Variants in CHODL observed in about 807,000 individuals in gnomAD.
CHODL encodes transmembrane protein MT75.
A neutral mutation model predicts 34.5 loss-of-function variants in CHODL; 29 were observed. The observed-to-expected ratio is 0.84, with a 90% CI of 0.63 to 1.15. The LOEUF (loss-of-function observed/expected upper bound fraction) is 1.15, where lower values mean the gene tolerates loss of function less well. Among genes scored for constraint, CHODL ranks in the 50% most tolerant of loss-of-function variants. The probability of loss-of-function intolerance (pLI) is 0.00; values close to 1 mark genes in which losing one functional copy is unlikely to be tolerated. For synonymous variants in CHODL, 125 were observed against 116.1 expected (o/e 1.08, Z -0.49); for missense variants, 332 against 332.5 (o/e 1.00, Z 0.01).
chr21:18,027,209 G>C (rs1201183288), intron 1 of CHODL, among the ~76,000 whole-genome samples: 3 of 152,106 alleles, frequency 2.0e-5, no homozygotes, highest in Admixed American at 2.0e-4. Context: ...AGGAATTTGA[G>C]GCTGCAGTGA....
chr21:18,163,984 AC>A (rs1290352218), intron 2 of CHODL, among the ~76,000 whole-genome samples: 1 of 152,206 alleles, frequency 6.6e-6, no homozygotes, highest in Non-Finnish European at 1.5e-5. Flanking sequence ...TTAAAGGCTT[AC>A]AAAAGGAGTT....
intron 2 of CHODL, among the ~76,000 whole-genome samples, chr21:18,080,454 A>T (rs2064928827): frequency 6.6e-6 from 1 of 152,148 alleles, no homozygotes; most frequent in Admixed American, 6.6e-5. Context: ...AAGGATATTG[A>T]TAGTTTCAAG....
intron 2 of CHODL, among the ~76,000 whole-genome samples, chr21:18,170,344 T>C (rs1308758288): frequency 6.6e-6 from 1 of 152,114 alleles, no homozygotes; most frequent in African/African-American, 2.4e-5. Context: ...TATAGTTAGA[T>C]GTCACTTTTT....
intron 1 of CHODL, among the ~76,000 whole-genome samples, chr21:18,010,609 G>A (rs554324696): frequency 6.6e-6 from 1 of 152,168 alleles, no homozygotes; most frequent in South Asian, 2.1e-4. Flanking sequence ...TGGTTTGCTT[G>A]TGCTGTTCTT....
rs1257557060 is a variant in CHODL, at chr21:18,045,829, A to G, written c.-45+17858A>G. On this transcript the variant is annotated intron_variant, in intron 2 of 6. Coordinates refer to the CHODL transcript ENST00000400127. ...TTTTTGCCTTTCCCTCCCTTCTGCCATGTGAGGACACAGCATTTGTCTCCT... is the reference window on the plus strand; with the variant it reads ...TTTTTGCCTTTCCCTCCCTTCTGCCGTGTGAGGACACAGCATTTGTCTCCT... Among the ~76,000 whole-genome samples, 4 of 151,912 alleles carry G rather than the reference A, an allele frequency of 2.6e-5. No individual in the cohort carries two copies. The East Asian group carries it at 7.8e-4, about 30-fold the overall frequency.
intron 1 of CHODL, among the ~76,000 whole-genome samples, chr21:17,939,579 T>C (rs755577801): frequency 6.6e-6 from 1 of 152,206 alleles, no homozygotes; most frequent in Non-Finnish European, 1.5e-5. Flanking sequence ...TACAAATCCT[T>C]ATTCATAAAA....
Position 18,175,101 on chromosome 21 carries a change from T to G in CHODL, c.-44-81408T>G, listed in dbSNP as rs143339159. On this transcript the variant is annotated intron_variant, in intron 2 of 6. Transcript: ENST00000400127. ...AGACTAATGTGAATATTGTATGAAC[T>G]GGTTATTATCTTCTGTTAAAACATT... Among the ~76,000 whole-genome samples, 3 of 152,360 alleles carry G rather than the reference T, an allele frequency of 2.0e-5. No homozygotes were observed. The East Asian group carries it at 5.8e-4, about 29-fold the overall frequency.
At chr21:18,039,339 TA>T (rs2064348035) in intron 2 of CHODL, among the ~76,000 whole-genome samples, 1 of 151,738 alleles carries the variant, frequency 6.6e-6, no homozygotes, top group African/African-American at 2.4e-5. Flanking sequence ...CTTTAGTAGT[TA>T]GGGGTAGGGA....
intron 1 of CHODL, among the ~76,000 whole-genome samples, chr21:17,932,855 G>A (rs1002578298): frequency 2.0e-5 from 3 of 152,068 alleles, no homozygotes; most frequent in Admixed American, 6.6e-5. Context: ...TTCAGCATAC[G>A]GAGGATCCCG....
rs1290652725 is a variant in CHODL at position 17,956,049 on chromosome 21, G to A, written c.-145+38649G>A. Among the ~76,000 whole-genome samples the A allele has an allele frequency of 2.2e-5, 3 of 136,126 alleles. 1 individual carries two copies. The highest frequency in any genetic ancestry group is 5.0e-5 in the Non-Finnish European group (3 of 59,988). 89.3% of individuals were successfully genotyped at this position (136,126 alleles called of 152,430 possible). ...ATGGGGATTGCAGGCTAGGAGTATC[G>A]AGTCAAAAGAGAAGCATCTCCATCT... is the stretch of plus-strand genomic sequence containing the variant. On this transcript the variant is annotated intron_variant, in intron 1 of 6. Transcript: ENST00000400127.
At chr21:17,942,129 G>T (rs984209288) in intron 1 of CHODL, among the ~76,000 whole-genome samples, 1 of 152,124 alleles carries the variant, frequency 6.6e-6, no homozygotes, top group Non-Finnish European at 1.5e-5. Flanking sequence ...TAGTAAAAAA[G>T]TGTAAAAAAC....
intron 1 of CHODL, among the ~76,000 whole-genome samples, chr21:18,023,696 C>G (rs2064148472): frequency 6.6e-6 from 1 of 152,124 alleles, no homozygotes; most frequent in African/African-American, 2.4e-5. Context: ...GTAGGAAAGT[C>G]ATAGGCAGGT....
intron 2 of CHODL, among the ~76,000 whole-genome samples, chr21:18,220,499 A>G (rs2073872155): frequency 6.6e-6 from 1 of 152,056 alleles, no homozygotes; most frequent in Admixed American, 6.6e-5. Context: ...CTGATCTTCC[A>G]ATGATGTTTA....
intron 2 of CHODL, among the ~76,000 whole-genome samples, chr21:18,184,879 G>A (rs950481510): frequency 8.5e-5 from 13 of 152,068 alleles, no homozygotes; most frequent in African/African-American, 2.9e-4. Context: ...CTAGTTCTTC[G>A]TTATTTATGG....
chr21:18,246,713 A>G lies in CHODL; in HGVS notation c.79+1411A>G, dbSNP rs534552595. ...TTTGAACATAAGATGTTTTTTACTCATTGACCTAAATAATATCCTTTAGAT... is the reference window on the plus strand; with the variant it reads ...TTTGAACATAAGATGTTTTTTACTCGTTGACCTAAATAATATCCTTTAGAT... On this transcript the variant is annotated intron_variant, in intron 1 of 5. Transcript: ENST00000299295. Among the ~76,000 whole-genome samples, 257 of 152,322 alleles carry G rather than the reference A, an allele frequency of 1.7e-3. 5 individuals are homozygous for G. The highest frequency in any genetic ancestry group is 0.014 in the Middle Eastern group (4 of 294).
intron 2 of CHODL, among the ~76,000 whole-genome samples, chr21:18,138,241 A>G (rs1292047171): frequency 6.6e-6 from 1 of 151,354 alleles, no homozygotes; most frequent in Non-Finnish European, 1.5e-5. Flanking sequence ...ATTTCATATC[A>G]TTATATATTT....
At chr21:18,234,534 T>C (rs1296238529) in intron 2 of CHODL, among the ~76,000 whole-genome samples, 1 of 152,078 alleles carries the variant, frequency 6.6e-6, no homozygotes, top group East Asian at 1.9e-4. Flanking sequence ...ATGAAAGAAA[T>C]GGTTCTTTGT....
chr21:17,995,531 T>TGTGGTTA (rs1430302580), intron 1 of CHODL, among the ~76,000 whole-genome samples: 1 of 152,210 alleles, frequency 6.6e-6, no homozygotes, highest in Non-Finnish European at 1.5e-5. Context: ...CTATTCAGCA[T>TGTGGTTA]GTGGTTATCT....
At chr21:18,154,937 G>C (rs899269919) in intron 2 of CHODL, among the ~76,000 whole-genome samples, 3 of 152,164 alleles carry the variant, frequency 2.0e-5, no homozygotes, top group Non-Finnish European at 4.4e-5. Context: ...GAGAGAAGCA[G>C]ATGGAATAAT....
Sources: allele counts gnomAD v4.1 joint callset (sites outside exome capture counted in the v4.1 genomes callset), GRCh38; gene constraint gnomAD v4.1.1; transcripts MANE v1.5; gene names NCBI Gene and HGNC (gene_info 2026-07-23, HGNC 2026-07-21).